The following FAT3 variants were observed in gnomAD, a reference collection of about 807,000 sequenced individuals.
FAT3 encodes the protein FAT atypical cadherin 3, also known as protocadherin Fat 3.
In FAT3, 95 loss-of-function variants were observed where a neutral mutation model predicts 310.2. The observed-to-expected ratio is 0.31, with a 90% CI of 0.26 to 0.36. FAT3 has a LOEUF of 0.36. Among genes scored for constraint, FAT3 ranks in the 10% least tolerant of loss-of-function variants. The pLI, the probability that FAT3 is intolerant of heterozygous loss-of-function variation, is 1.00. For missense variants in FAT3, 5,408 were observed against 5,715.6 expected (o/e 0.95, Z 1.74); for synonymous variants, 2,314 against 2,192.9 (o/e 1.06, Z -1.54).
At chr11:92,381,224 G>T (rs1307040406) in intron 2 of FAT3, among the ~76,000 whole-genome samples, 1 of 152,172 alleles carries the variant, frequency 6.6e-6, no homozygotes, top group African/African-American at 2.4e-5. Context: ...ATATCTAGGA[G>T]TTGGGCCAGG....
At chr11:92,744,741 T>C (rs1414314850) in intron 4 of FAT3, among the ~76,000 whole-genome samples, 2 of 152,210 alleles carry the variant, frequency 1.3e-5, no homozygotes. Context: ...TCTCTCATTT[T>C]AAATATTGGC....
At chr11:92,816,261 T>C (rs1672602964) in intron 13 of FAT3, among the ~76,000 whole-genome samples, 1 of 152,196 alleles carries the variant, frequency 6.6e-6, no homozygotes, top group African/African-American at 2.4e-5. Context: ...AAGCAAAAGC[T>C]TATTTCTTGC....
chr11:92,632,286 A>G (rs959259793), intron 3 of FAT3, among the ~76,000 whole-genome samples: 14 of 145,956 alleles, frequency 9.6e-5, no homozygotes, highest in Admixed American at 3.4e-4. Context: ...GCAGGAAAAT[A>G]TAAAAATCTA....
intron 19 of FAT3, among the ~76,000 whole-genome samples, chr11:92,850,325 C>CT: frequency 6.6e-6 from 1 of 152,228 alleles, no homozygotes; most frequent in Admixed American, 6.5e-5. Context: ...GTGGAGGTCC[C>CT]CATCCTGGTG....
At chr11:92,467,154 A>G (rs2135133948) in intron 2 of FAT3, among the ~76,000 whole-genome samples, 1 of 152,268 alleles carries the variant, frequency 6.6e-6, no homozygotes, top group Admixed American at 6.5e-5. Context: ...AGGAATCTCC[A>G]CACTGACTTC....
At chr11:92,623,715 G>A (rs1791558) in intron 3 of FAT3, among the ~76,000 whole-genome samples, 43,629 of 151,978 alleles carry the variant, frequency 0.29, 6,620 homozygotes, top group Non-Finnish European at 0.33. Flanking sequence ...AGGCCAAGGC[G>A]GGTGGATCAC....
At chr11:92,596,950 G>A (rs1410391853) in intron 3 of FAT3, among the ~76,000 whole-genome samples, 3 of 151,958 alleles carry the variant, frequency 2.0e-5, no homozygotes, top group Admixed American at 6.6e-5. Flanking sequence ...TTTCTTCTCT[G>A]TACCTATCTC....
chr11:92,799,304 G>A lies in FAT3; in HGVS notation c.6291G>A (p.Ala2097=), dbSNP rs750104692. 4.3e-5 allele frequency: 70 copies of A among 1,613,746 alleles called. No individual in the cohort carries two copies. In the Middle Eastern group the frequency reaches 8.2e-4, roughly 19 times the overall value. The change falls in exon 10 of 28, where the codon GCG becomes GCA. Residue 2097 remains alanine (A), a synonymous_variant. Coordinates refer to ENST00000525166, the MANE Select transcript of FAT3 (RefSeq NM_001367949.2). ...LPYYAAVQVD[A]EPGTLIYQVT... ...ACTATGCTGCTGTTCAAGTGGATGC[G>A]GAACCCGGGACTCTGATTTATCAGG...
At chr11:92,460,368 C>G (rs1449395790) in intron 2 of FAT3, among the ~76,000 whole-genome samples, 1 of 152,170 alleles carries the variant, frequency 6.6e-6, no homozygotes, top group Non-Finnish European at 1.5e-5. Flanking sequence ...ATGATCCCTG[C>G]ATTGCCATGT....
At chr11:92,425,255 A>G (rs1396479349) in intron 2 of FAT3, among the ~76,000 whole-genome samples, 1 of 151,960 alleles carries the variant, frequency 6.6e-6, no homozygotes, top group Non-Finnish European at 1.5e-5. Context: ...GGATTATAGC[A>G]TTTTCAATGG....
intron 24 of FAT3, among the ~76,000 whole-genome samples, chr11:92,885,130 T>G (rs186190643): frequency 2.0e-5 from 3 of 152,244 alleles, no homozygotes; most frequent in Admixed American, 1.3e-4. Flanking sequence ...AGTCAGCATC[T>G]CAAGAGCTTC....
chr11:92,246,244 C>T (rs1316726031), intron 1 of FAT3, among the ~76,000 whole-genome samples: 1 of 151,870 alleles, frequency 6.6e-6, no homozygotes, highest in East Asian at 1.9e-4. Flanking sequence ...AAGTTGGGCC[C>T]AGGAAGGTTT....
chr11:92,602,134 C>T (rs962500888), intron 3 of FAT3, among the ~76,000 whole-genome samples: 11 of 151,706 alleles, frequency 7.3e-5, no homozygotes, highest in African/African-American at 1.2e-4. Flanking sequence ...AGTGCAATGG[C>T]GCAATCTCGG....
chr11:92,755,317 G>T (rs1377194910), intron 4 of FAT3, among the ~76,000 whole-genome samples: 1 of 152,066 alleles, frequency 6.6e-6, no homozygotes, highest in Non-Finnish European at 1.5e-5. Flanking sequence ...CTGCCTCCTG[G>T]GTTCAAGTGA....
At chr11:92,526,613 G>A (rs1250730117) in intron 3 of FAT3, among the ~76,000 whole-genome samples, 3 of 152,196 alleles carry the variant, frequency 2.0e-5, no homozygotes, top group Admixed American at 2.0e-4. Context: ...AAGAATTTGG[G>A]TTGGATGTGA....
chr11:92,423,508 T>C (rs933479351), intron 2 of FAT3, among the ~76,000 whole-genome samples: 2 of 152,216 alleles, frequency 1.3e-5, no homozygotes, highest in African/African-American at 4.8e-5. Context: ...GATGTGTTTC[T>C]GAGGGAAAGG....
chr11:92,235,455 G>A (rs1021725403), intron 1 of FAT3, among the ~76,000 whole-genome samples: 2 of 152,146 alleles, frequency 1.3e-5, no homozygotes, highest in African/African-American at 4.8e-5. Flanking sequence ...CTGCGCGGGT[G>A]TCTCTTTCTC....
intron 1 of FAT3, among the ~76,000 whole-genome samples, chr11:92,300,793 A>C (rs1946979818): frequency 6.6e-6 from 1 of 152,176 alleles, no homozygotes; most frequent in African/African-American, 2.4e-5. Flanking sequence ...AAAAACCTTC[A>C]GTATATATTT....
At chr11:92,874,322 C>G (rs991369008) in intron 22 of FAT3, among the ~76,000 whole-genome samples, 1 of 152,104 alleles carries the variant, frequency 6.6e-6, no homozygotes, top group African/African-American at 2.4e-5. Context: ...ATTCTATTAT[C>G]TTTATTATTT....
Sources: allele counts gnomAD v4.1 joint callset (sites outside exome capture counted in the v4.1 genomes callset), GRCh38; gene constraint gnomAD v4.1.1; transcripts MANE v1.5; gene names NCBI Gene and HGNC (gene_info 2026-07-23, HGNC 2026-07-21).